Variants in ALAS1 observed in about 807,000 individuals in gnomAD.
The protein encoded by ALAS1 is 5'-aminolevulinate synthase 1.
A neutral mutation model predicts 59.6 loss-of-function variants in ALAS1; 29 were observed. The ratio of observed to expected loss-of-function variants is 0.49; its 90% confidence interval spans 0.36 to 0.66. The LOEUF is 0.66. ALAS1 is among the 30% of genes least tolerant of loss of function. The pLI, the probability that ALAS1 is intolerant of heterozygous loss-of-function variation, is 0.00. For synonymous variants in ALAS1, 299 were observed against 296.6 expected, an observed-to-expected ratio of 1.01 and a Z score of -0.08; for missense variants, 690 against 807.5, an observed-to-expected ratio of 0.85 and a Z score of 1.76.
Position 52,198,699 on chromosome 3 carries a change from A to C in ALAS1, c.-182A>C. ...ATGCCCAGTTCTTCCCGCTGTGGGG[A>C]CACGACCACGGAGGAATCCTTGCTT... On this transcript the variant is annotated 5_prime_UTR_variant, in exon 2 of 12. Transcript: ENST00000484952. 4 of 1,067,974 alleles carry C rather than the reference A, an allele frequency of 3.7e-6. No homozygotes were observed. Among genetic ancestry groups the C allele is most frequent in the Non-Finnish European group, 5.5e-6 (4 of 725,204 alleles). The allele number at this position is 1,067,974 out of a possible 1,614,324, so 66.2% of individuals were successfully genotyped here.
At chr3:52,208,368 C>CT in intron 9 of ALAS1, 121 bp downstream of exon 9, 1 of 1,136,076 alleles carries the variant, frequency 8.8e-7, no homozygotes, top group East Asian at 2.6e-5. Flanking sequence ...CTGGGCCACT[C>CT]TTTCTTTTGG....
chr3:52,207,341 T>C (rs975066727), intron 8 of ALAS1, among the ~76,000 whole-genome samples: 2 of 152,118 alleles, frequency 1.3e-5, no homozygotes, highest in African/African-American at 4.8e-5. Flanking sequence ...TTTCACTGTG[T>C]TAGTCAGGAT....
In ALAS1 at chr3:52,214,292, A is replaced by G; in HGVS notation, c.*112A>G. 1 of 1,030,774 alleles carries G rather than the reference A, an allele frequency of 9.7e-7. No homozygotes were observed. Among genetic ancestry groups the G allele is most frequent in the Non-Finnish European group, 1.4e-6 (1 of 734,406 alleles). The allele number at this position is 1,030,774 out of a possible 1,614,324, so 63.9% of individuals were successfully genotyped here. ...TATTAAATTTTAATCTATAGTAAAA[A>G]CATAGTCCTGGAAATAAATTCTTGC... is the stretch of plus-strand genomic sequence containing the variant. On this transcript the variant is annotated 3_prime_UTR_variant, in exon 12 of 12. Coordinates refer to ENST00000484952, the MANE Select transcript of ALAS1 (RefSeq NM_000688.6).
intron 3 of ALAS1, 114 bp downstream of exon 3, chr3:52,199,554 G>A (rs1486974811): frequency 2.0e-6 from 2 of 995,370 alleles, no homozygotes; most frequent in East Asian, 2.6e-5. Flanking sequence ...GGGCTGCTAT[G>A]TGCAGGCTGG....
Position 52,210,537 on chromosome 3 carries a change from G to T in ALAS1, c.1331-746G>T, listed in dbSNP as rs150864375. Among the ~76,000 whole-genome samples, 368 of 152,258 alleles carry T rather than the reference G, an allele frequency of 2.4e-3. 4 individuals carry two copies. The highest frequency in any genetic ancestry group is 8.2e-3 in the African/African-American group (340 of 41,544). On this transcript the variant is annotated intron_variant, in intron 9 of 11. Coordinates refer to ENST00000484952, the MANE Select transcript of ALAS1 (RefSeq NM_000688.6). Reference sequence around the variant, plus strand: ...CACCTGAATCCCAGCACTTTGGGAGGCTGAGACAGGAGGATCACTTGAACC... The same window carrying T: ...CACCTGAATCCCAGCACTTTGGGAGTCTGAGACAGGAGGATCACTTGAACC...
Position 52,209,409 on chromosome 3 carries a change from G to A in ALAS1, c.1330+1162G>A, listed in dbSNP as rs111415383. Among the ~76,000 whole-genome samples the A allele has an allele frequency of 4.2e-3, 635 of 152,076 alleles. 4 individuals are homozygous for A. Among genetic ancestry groups the A allele is most frequent in the African/African-American group, 0.015 (613 of 41,490 alleles). On this transcript the variant is annotated intron_variant, in intron 9 of 11. Transcript: ENST00000484952. ...TTTGTAGTAGAGACGGGGTTTCACC[G>A]TGTTAGCCAGAATGTTCTCAATCTC... is the stretch of plus-strand genomic sequence containing the variant.
chr3:52,211,417 G>A lies in ALAS1; in HGVS notation c.1465G>A (p.Val489Met). ...GCTGCTGGCTGGAGCCCTGGAGTCT[G>A]TGCGGATCCTGAAGAGCGCTGAGGG... ...PMLLAGALESVRILKSAEGRV... is the reference protein window; with the variant it reads ...PMLLAGALESMRILKSAEGRV... Residue 489 changes from valine (V) to methionine (M), a missense_variant, in exon 10 of 12, where the codon GTG becomes ATG. Physicochemically the swap from Val to Met is conservative, Grantham distance 21. Coordinates refer to ENST00000484952, the MANE Select transcript of ALAS1 (RefSeq NM_000688.6). 1 of 1,614,228 alleles carries A rather than the reference G, an allele frequency of 6.2e-7. No individual in the cohort carries two copies. The highest frequency in any genetic ancestry group is 8.5e-7 in the Non-Finnish European group (1 of 1,180,034).
chr3:52,212,395 A>C lies in ALAS1; in HGVS notation c.1737A>C (p.Thr579=). 1 of 1,613,746 alleles carries C rather than the reference A, an allele frequency of 6.2e-7. No individual in the cohort carries two copies. Among genetic ancestry groups the C allele is most frequent in the Non-Finnish European group, 8.5e-7 (1 of 1,179,952 alleles). Residue 579 remains threonine, a synonymous_variant, in exon 11 of 12, where the codon ACA becomes ACC. Transcript: ENST00000484952. Reference sequence around the variant, plus strand: ...GGATTGCCCCCACCCCTCACCACACACCCCAGATGATGAACTACTTCCTTG... The same window carrying C: ...GGATTGCCCCCACCCCTCACCACACCCCCCAGATGATGAACTACTTCCTTG... ...LLRIAPTPHH[T]PQMMNYFLEN... is the part of the protein sequence containing the mutation.
At chr3:52,202,421 G>A in intron 3 of ALAS1, 86 bp from the exon 4 acceptor site, 1 of 1,060,396 alleles carries the variant, frequency 9.4e-7, no homozygotes, top group Non-Finnish European at 1.4e-6. Flanking sequence ...GTTTATCTTT[G>A]AGGCAATAAA....
intron 8 of ALAS1, among the ~76,000 whole-genome samples, chr3:52,207,401 G>T (rs989424967): frequency 5.3e-5 from 8 of 152,100 alleles, no homozygotes; most frequent in African/African-American, 1.9e-4. Flanking sequence ...GTCCCAAAGT[G>T]CTGGGATTAC....
At position 52,202,492 on chromosome 3, in the gene ALAS1, C is replaced by A. The variant is rs1224028267; in HGVS notation, c.200-15C>A. 1 of 1,599,738 alleles carries A rather than the reference C, an allele frequency of 6.3e-7. No homozygotes were observed. The highest frequency in any genetic ancestry group is 8.6e-7 in the Non-Finnish European group (1 of 1,168,178). Reference sequence around the variant, plus strand: ...ACCAGATCTGATGCTTCACTTTTTCCATTTCCTCCCTCAGAAGACAAAACT... The same window carrying A: ...ACCAGATCTGATGCTTCACTTTTTCAATTTCCTCCCTCAGAAGACAAAACT... On this transcript the variant is annotated splice_polypyrimidine_tract_variant and intron_variant, in intron 3 of 11. Coordinates refer to ENST00000484952, the MANE Select transcript of ALAS1 (RefSeq NM_000688.6).
Position 52,198,993 on chromosome 3 carries a change from C to T in ALAS1, c.-33+145C>T, listed in dbSNP as rs1699129796. The T allele has an allele frequency of 2.7e-6, 3 of 1,098,456 alleles. No homozygotes were observed. In the South Asian group the frequency reaches 4.3e-5, roughly 16 times the overall value. 68.0% of individuals were successfully genotyped at this position (1,098,456 alleles called of 1,614,324 possible). A position where few individuals can be genotyped will look rare whatever the true frequency, so the allele number is the denominator to read the frequency against. On this transcript the variant is annotated intron_variant, in intron 2 of 11. Coordinates refer to ENST00000484952, the MANE Select transcript of ALAS1 (RefSeq NM_000688.6). ...TTTGGTGAAGTTGCTTTGCAGGTGC[C>T]TTTGTGTAGCGCTGGAGAATGAAGA...
chr3:52,208,182 G>A lies in ALAS1; in HGVS notation c.1265G>A (p.Arg422Gln), dbSNP rs201589905. The stretch of plus-strand genomic sequence containing the variant: ...CACGCAGTGGGGCTTTATGGGGCTC[G>A]AGGCGGAGGGATTGGGGATCGGGAT... ...EVHAVGLYGA[R>Q]GGGIGDRDGV... is the part of the protein sequence containing the mutation. Residue 422 changes from arginine to glutamine, a missense_variant, in exon 9 of 12, where the codon CGA becomes CAA. Physicochemically the swap from Arg to Gln is conservative, Grantham distance 43. Coordinates refer to ENST00000484952, the MANE Select transcript of ALAS1 (RefSeq NM_000688.6). 45 of 1,614,098 alleles carry A rather than the reference G, an allele frequency of 2.8e-5. No homozygotes were observed. The highest frequency in any genetic ancestry group is 1.8e-4 in the South Asian group (16 of 91,072).
rs758008458 is a variant in ALAS1 at position 52,206,683 on chromosome 3, A to T, written c.1097A>T (p.Glu366Val). 1.1e-5 allele frequency: 17 copies of T among 1,614,056 alleles called. 2 individuals carry two copies. The South Asian group carries it at 1.9e-4, about 18-fold the overall frequency. Residue 366 changes from glutamate (E) to valine (V), a missense_variant, in exon 8 of 12, where the codon GAA (glutamate) becomes GTA (valine). Glu to Val is a moderately radical substitution (Grantham distance 121, BLOSUM62 -2). Coordinates refer to ENST00000484952, the MANE Select transcript of ALAS1 (RefSeq NM_000688.6). The stretch of plus-strand genomic sequence containing the variant: ...CACAATGATGTCAGCCACCTCAGAG[A>T]ACTGCTGCAAAGATCTGACCCCTCA... ...FRHNDVSHLR[E>V]LLQRSDPSVP...
In ALAS1 at chr3:52,214,094, A is replaced by C. The variant is rs774892158; in HGVS notation, c.1837A>C (p.Arg613=). ...TTCCTCAGCTGAGTGCAACTTCTGCAGGAGGCCACTGCATTTTGAAGTGAT... is the reference window on the plus strand; with the variant it reads ...TTCCTCAGCTGAGTGCAACTTCTGCCGGAGGCCACTGCATTTTGAAGTGAT... ...PHSSAECNFC[R]RPLHFEVMSE... Residue 613 remains arginine, a synonymous_variant, in exon 12 of 12, where the codon AGG becomes CGG. Coordinates refer to ENST00000484952, the MANE Select transcript of ALAS1 (RefSeq NM_000688.6). 1.6e-5 allele frequency: 26 copies of C among 1,613,912 alleles called. No individual in the cohort carries two copies. Among genetic ancestry groups the C allele is most frequent in the African/African-American group, 2.7e-5 (2 of 74,934 alleles).
Position 52,208,266 on chromosome 3 carries a change from A to G in ALAS1, c.1330+19A>G. The G allele has an allele frequency of 2.5e-6, 4 of 1,612,830 alleles. No homozygotes were observed. Among genetic ancestry groups the G allele is most frequent in the Non-Finnish European group, 3.4e-6 (4 of 1,179,384 alleles). ...ACACTTGGTATGTATACATTGTATTACATACACTAAAATTCCATTATCCTA... is the reference window on the plus strand; with the variant it reads ...ACACTTGGTATGTATACATTGTATTGCATACACTAAAATTCCATTATCCTA... On this transcript the variant is annotated intron_variant, in intron 9 of 11. Transcript: ENST00000484952.
chr3:52,199,876 C>T (rs1054221455), intron 3 of ALAS1, among the ~76,000 whole-genome samples: 2 of 152,088 alleles, frequency 1.3e-5, no homozygotes, highest in African/African-American at 4.8e-5. Context: ...GGTTGGAGTG[C>T]AGTGATGCAG....
intron 5 of ALAS1, 53 bp from the exon 6 acceptor site, chr3:52,204,640 T>C (rs352167): frequency 0.52 from 775,157 of 1,487,906 alleles, 203,634 homozygotes; most frequent in Non-Finnish European, 0.54. Context: ...TTCACCAAAA[T>C]GCAGCTGTGT....
At chr3:52,199,561 C>T in intron 3 of ALAS1, 121 bp downstream of exon 3, 2 of 941,094 alleles carry the variant, frequency 2.1e-6, no homozygotes, top group South Asian at 3.3e-5. Context: ...TATGTGCAGG[C>T]TGGGCTCTGA....
Sources: gnomAD v4.1 joint callset for allele counts (sites outside exome capture counted in the v4.1 genomes callset) on GRCh38, gnomAD v4.1.1 for gene constraint, MANE v1.5 for transcripts, NCBI Gene and HGNC (gene_info 2026-07-23, HGNC 2026-07-21) for gene names.